Variants in KPNA1 observed in about 807,000 individuals in gnomAD.
KPNA1 encodes karyopherin subunit alpha 1, also known as importin subunit alpha-5.
KPNA1 carries 10 observed loss-of-function variants against 70.5 expected under a neutral mutation model. The observed-to-expected ratio is 0.14, with a 90% CI of 0.09 to 0.24. The LOEUF (loss-of-function observed/expected upper bound fraction) is 0.24. Among genes scored for constraint, KPNA1 ranks in the 10% least tolerant of loss-of-function variants. The probability of loss-of-function intolerance (pLI) is 1.00; values close to 1 mark genes in which losing one functional copy is unlikely to be tolerated. For synonymous variants in KPNA1, 192 were observed against 221.9 expected (o/e 0.87, Z 1.20); for missense variants, 397 against 637.9 (o/e 0.62, Z 4.07).
chr3:122,442,679 T>A (rs1398979516), intron 9 of KPNA1: 3 of 152,236 alleles, frequency 2.0e-5, no homozygotes, highest in African/African-American at 7.2e-5. Flanking sequence ...AGATATTAAG[T>A]CCTTATTTCT....
chr3:122,505,432 G>A (rs996627475), intron 1 of KPNA1, among the ~76,000 whole-genome samples: 1 of 152,064 alleles, frequency 6.6e-6, no homozygotes, highest in African/African-American at 2.4e-5. Context: ...GGAAAGAAAG[G>A]AAATAAATCT....
intron 3 of KPNA1, among the ~76,000 whole-genome samples, chr3:122,467,099 A>G (rs1299458678): frequency 6.9e-6 from 1 of 144,110 alleles, no homozygotes; most frequent in Admixed American, 7.2e-5. Flanking sequence ...TTTATCTTAT[A>G]ATTAGCTTGT....
intron 2 of KPNA1, among the ~76,000 whole-genome samples, chr3:122,488,346 C>T (rs1167533532): frequency 6.6e-6 from 1 of 151,814 alleles, no homozygotes; most frequent in Non-Finnish European, 1.5e-5. Context: ...CATAGTGAGA[C>T]CCCATCTCTA....
chr3:122,464,538 G>A (rs553608347), intron 3 of KPNA1, among the ~76,000 whole-genome samples: 3 of 152,224 alleles, frequency 2.0e-5, no homozygotes, highest in Admixed American at 2.0e-4. Context: ...CTATCACTAA[G>A]GGCTGGTGTA....
Position 122,433,664 on chromosome 3 carries a change from A to T in KPNA1, c.1247T>A (p.Ile416Asn). 1 of 1,600,338 alleles carries T rather than the reference A, an allele frequency of 6.2e-7. No individual in the cohort carries two copies. The highest frequency in any genetic ancestry group is 8.5e-7 in the Non-Finnish European group (1 of 1,176,460). ...ATGCTGCCTGATTGGTACTTACTTG[A>T]TCTGTTCAGCTGATCCTCCAGAAGT... ...NATSGGSAEQIKYLVELGCIK... is the reference protein window; with the variant it reads ...NATSGGSAEQNKYLVELGCIK... The change falls in exon 12 of 14, where the codon ATC becomes AAC. Residue 416 changes from isoleucine (I) to asparagine (N), a missense_variant. Transcript: ENST00000344337.
At chr3:122,459,109 G>C (rs181748504) in intron 5 of KPNA1, among the ~76,000 whole-genome samples, 17 of 152,302 alleles carry the variant, frequency 1.1e-4, no homozygotes, top group African/African-American at 4.1e-4. Flanking sequence ...TTCATCTTCA[G>C]ATGTGTTAAA....
chr3:122,449,699 A>C lies in KPNA1; in HGVS notation c.792T>G (p.Phe264Leu). Residue 264 changes from phenylalanine to leucine, a missense_variant, in exon 9 of 14, where the codon TTT becomes TTG. Phe to Leu is a conservative substitution (Grantham distance 22). Transcript: ENST00000344337. The part of the protein sequence containing the change: ...PCLNVLSWLL[F>L]VSDTDVLADA... ...CAGCCAGTACATCAGTGTCACTGAC[A>C]AACAGCAACCAGGAAAGCACATTCA... 6.2e-7 allele frequency: 1 copy of C among 1,613,622 alleles called. No homozygotes were observed. Among genetic ancestry groups the C allele is most frequent in the Non-Finnish European group, 8.5e-7 (1 of 1,179,842 alleles).
chr3:122,450,971 C>A (rs568240212), intron 8 of KPNA1, among the ~76,000 whole-genome samples: 1 of 152,246 alleles, frequency 6.6e-6, no homozygotes, highest in African/African-American at 2.4e-5. Flanking sequence ...AAGAATGATA[C>A]AATGTACTTT....
At chr3:122,457,116 T>TTAAGTA (rs57744967) in intron 5 of KPNA1, among the ~76,000 whole-genome samples, 76,875 of 151,530 alleles carry the variant, frequency 0.51, 19,922 homozygotes, top group East Asian at 0.64. Context: ...TTAAACGTAT[T>TTAAGTA]TATGTTTTTA....
intron 9 of KPNA1, among the ~76,000 whole-genome samples, chr3:122,445,706 A>G (rs1351253846): frequency 6.6e-6 from 1 of 152,228 alleles, no homozygotes; most frequent in African/African-American, 2.4e-5. Flanking sequence ...AAATGCCCCA[A>G]TTAAAAGACA....
chr3:122,510,539 G>A (rs1268749748), intron 1 of KPNA1, among the ~76,000 whole-genome samples: 1 of 152,152 alleles, frequency 6.6e-6, no homozygotes, highest in Non-Finnish European at 1.5e-5. Flanking sequence ...TTACAATATT[G>A]TAAACACTAA....
At chr3:122,434,986 C>T (rs536942053) in intron 11 of KPNA1, among the ~76,000 whole-genome samples, 1 of 152,214 alleles carries the variant, frequency 6.6e-6, no homozygotes, top group South Asian at 2.1e-4. Flanking sequence ...CTTATTATAC[C>T]TGTGAAGGAC....
Position 122,467,281 on chromosome 3 carries a change from A to C in KPNA1, c.237+41T>G, listed in dbSNP as rs574784438. 179 of 1,111,928 alleles carry C rather than the reference A, an allele frequency of 1.6e-4. 1 individual carries two copies. The East Asian group carries it at 4.3e-3, about 27-fold the overall frequency. The allele number at this position is 1,111,928 out of a possible 1,614,324, so 68.9% of individuals were successfully genotyped here. A position where few individuals can be genotyped will look rare whatever the true frequency, so the allele number is the denominator to read the frequency against. On this transcript the variant is annotated intron_variant, in intron 3 of 13. Coordinates refer to ENST00000344337, the MANE Select transcript of KPNA1 (RefSeq NM_002264.4). Reference sequence around the variant, plus strand: ...ACTCAAAAGGAAATCTACATCTCATATCTTCATCACAAAAACACTGAAAAG... The same window carrying C: ...ACTCAAAAGGAAATCTACATCTCATCTCTTCATCACAAAAACACTGAAAAG...
At chr3:122,448,293 T>C (rs936964908) in intron 9 of KPNA1, among the ~76,000 whole-genome samples, 2 of 151,966 alleles carry the variant, frequency 1.3e-5, no homozygotes, top group African/African-American at 4.8e-5. Flanking sequence ...CAAAGACACA[T>C]CCATGTTTAT....
chr3:122,511,057 G>C (rs2076949474), intron 1 of KPNA1, among the ~76,000 whole-genome samples: 1 of 152,150 alleles, frequency 6.6e-6, no homozygotes, highest in Admixed American at 6.5e-5. Context: ...GAAGTAAGGC[G>C]AGTTACCCAA....
chr3:122,455,748 G>T (rs1189244615), intron 5 of KPNA1, among the ~76,000 whole-genome samples: 1 of 151,966 alleles, frequency 6.6e-6, no homozygotes, highest in South Asian at 2.1e-4. Flanking sequence ...TAGAGACGAG[G>T]TTTCATCATG....
intron 2 of KPNA1, among the ~76,000 whole-genome samples, chr3:122,471,324 T>TA (rs1368898909): frequency 1.3e-5 from 2 of 152,232 alleles, no homozygotes; most frequent in African/African-American, 4.8e-5. Flanking sequence ...GTTTTGCTTA[T>TA]ACAATGTTTT....
At chr3:122,501,984 T>C (rs765546883) in intron 1 of KPNA1, among the ~76,000 whole-genome samples, 2 of 152,246 alleles carry the variant, frequency 1.3e-5, no homozygotes, top group East Asian at 3.8e-4. Flanking sequence ...CTCCTTATTA[T>C]GCTAAAAGCT....
At chr3:122,435,821 C>G (rs2075978010) in intron 11 of KPNA1, among the ~76,000 whole-genome samples, 1 of 152,138 alleles carries the variant, frequency 6.6e-6, no homozygotes, top group Non-Finnish European at 1.5e-5. Flanking sequence ...CTTCATTAAG[C>G]TGAGGATGTA....
Sources: gnomAD v4.1 joint callset for allele counts (sites outside exome capture counted in the v4.1 genomes callset) on GRCh38, gnomAD v4.1.1 for gene constraint, MANE v1.5 for transcripts, NCBI Gene and HGNC (gene_info 2026-07-23, HGNC 2026-07-21) for gene names.